The following SLC44A5 variants were observed in gnomAD, a reference collection of about 807,000 sequenced individuals.
SLC44A5 encodes choline transporter-like protein 5.
Under a neutral mutation model 101.8 loss-of-function variants are expected in SLC44A5, and 57 were observed. The observed-to-expected ratio is 0.56, with a 90% CI of 0.45 to 0.70. The LOEUF (loss-of-function observed/expected upper bound fraction) is 0.70, where lower values mean the gene tolerates loss of function less well. Ranked by LOEUF, SLC44A5 falls within the 30% of genes least tolerant of loss-of-function variation. The probability of loss-of-function intolerance (pLI) is 0.00; values close to 1 mark genes in which losing one functional copy is unlikely to be tolerated. For missense variants in SLC44A5, 737 were observed against 853.1 expected (o/e 0.86, Z 1.70); for synonymous variants, 281 against 290.9 (o/e 0.97, Z 0.35).
chr1:75,372,971 A>G (rs955966692), intron 3 of SLC44A5, among the ~76,000 whole-genome samples: 2 of 152,230 alleles, frequency 1.3e-5, no homozygotes, highest in Non-Finnish European at 2.9e-5. Flanking sequence ...AATCAAACTC[A>G]TAGATTTTAC....
In SLC44A5 at chr1:75,326,415, A is replaced by G. The variant is rs1430707430; in HGVS notation, c.101+13167T>C. On this transcript the variant is annotated intron_variant, in intron 4 of 23. Transcript: ENST00000370859. ...TGTCTCTTCTATGACTGAAAGTCCTATTTTGCTCTTCCAATCACAGTTTAG... is the reference window on the plus strand; with the variant it reads ...TGTCTCTTCTATGACTGAAAGTCCTGTTTTGCTCTTCCAATCACAGTTTAG... 2.6e-5 allele frequency among the ~76,000 whole-genome samples: 4 copies of G among 151,954 alleles called. No individual in the cohort carries two copies. The South Asian group carries it at 6.2e-4, about 24-fold the overall frequency.
At chr1:75,436,948 T>G (rs1664926204) in intron 2 of SLC44A5, among the ~76,000 whole-genome samples, 1 of 152,108 alleles carries the variant, frequency 6.6e-6, no homozygotes, top group Admixed American at 6.6e-5. Flanking sequence ...GGATCGTCAG[T>G]ATCACTGTCT....
chr1:75,437,960 A>G (rs1664982994), intron 2 of SLC44A5, among the ~76,000 whole-genome samples: 2 of 152,024 alleles, frequency 1.3e-5, no homozygotes, highest in African/African-American at 4.8e-5. Flanking sequence ...TTAGTACTGT[A>G]TTTGTCCTTT....
chr1:75,513,199 C>T (rs1353986042), intron 2 of SLC44A5, among the ~76,000 whole-genome samples: 1 of 152,158 alleles, frequency 6.6e-6, no homozygotes, highest in Non-Finnish European at 1.5e-5. Context: ...CCAATAGTGG[C>T]TTATACAGAC....
intron 6 of SLC44A5, among the ~76,000 whole-genome samples, chr1:75,260,442 T>A (rs969827129): frequency 3.3e-5 from 5 of 152,108 alleles, no homozygotes; most frequent in Non-Finnish European, 5.9e-5. Flanking sequence ...CATTACATAC[T>A]GGTAAAGGGG....
intron 1 of SLC44A5, among the ~76,000 whole-genome samples, chr1:75,606,575 C>G (rs1280461737): frequency 6.6e-6 from 1 of 152,148 alleles, no homozygotes; most frequent in Admixed American, 6.6e-5. Flanking sequence ...CCCTTTAAAG[C>G]AAAACCCTTC....
the SLC44A5 span, among the ~76,000 whole-genome samples, chr1:75,636,550 G>A: frequency 7.2e-5 from 11 of 152,058 alleles, no homozygotes. Context: ...AGAAGTAAAT[G>A]AAATGGAGTG....
In SLC44A5 at chr1:75,450,237, T is replaced by A. The variant is rs1018015268; in HGVS notation, c.14-53616A>T. Among the ~76,000 whole-genome samples, 27 of 152,242 alleles carry A rather than the reference T, an allele frequency of 1.8e-4. 1 individual carries two copies. Among genetic ancestry groups the A allele is most frequent in the Admixed American group, 1.4e-3 (21 of 15,294 alleles). On this transcript the variant is annotated intron_variant, in intron 2 of 23. Coordinates refer to ENST00000370859, the MANE Select transcript of SLC44A5 (RefSeq NM_001130058.2). ...ACTCATCTTTCCACTGAGGATCTGA[T>A]CAACCAAGGTCAAGGGGGAGCACTG...
upstream of SLC44A5, among the ~76,000 whole-genome samples, chr1:75,613,712 T>G (rs1039768434): frequency 2.6e-5 from 4 of 152,274 alleles, no homozygotes; most frequent in African/African-American, 4.8e-5. Context: ...AGCTTGATTA[T>G]TAATCCTTCC....
the SLC44A5 span, among the ~76,000 whole-genome samples, chr1:75,647,694 T>C: frequency 1.3e-5 from 2 of 152,296 alleles, no homozygotes; most frequent in East Asian, 1.9e-4. Flanking sequence ...GGAGATCATT[T>C]TGGAGCTTTA....
intron 1 of SLC44A5, among the ~76,000 whole-genome samples, chr1:75,579,286 T>C (rs1673545603): frequency 6.6e-6 from 1 of 152,126 alleles, no homozygotes. Flanking sequence ...CACATAAATT[T>C]AAGTCAGTTA....
intron 5 of SLC44A5, among the ~76,000 whole-genome samples, chr1:75,299,996 CACAGTG>C: frequency 1.7e-5 from 2 of 114,396 alleles, no homozygotes; most frequent in Non-Finnish European, 3.3e-5. Context: ...AGCCTGGGAA[CACAGTG>C]AGACTCTGTC....
At chr1:75,705,802 T>A in the SLC44A5 span, among the ~76,000 whole-genome samples, 1 of 152,124 alleles carries the variant, frequency 6.6e-6, no homozygotes, top group African/African-American at 2.4e-5. Context: ...AGCCTCAGCC[T>A]CCCAGGTAGC....
intron 23 of SLC44A5, among the ~76,000 whole-genome samples, chr1:75,207,715 C>T (rs1301972526): frequency 6.6e-6 from 1 of 152,128 alleles, no homozygotes; most frequent in African/African-American, 2.4e-5. Context: ...CCCCTCTTAC[C>T]CAGTTTTGCT....
At chr1:75,486,053 A>C (rs560166960) in intron 2 of SLC44A5, among the ~76,000 whole-genome samples, 29 of 152,228 alleles carry the variant, frequency 1.9e-4, no homozygotes, top group Non-Finnish European at 4.0e-4. Flanking sequence ...AAACCATACC[A>C]GTTTCTATTT....
chr1:75,294,065 A>G (rs1653776559), intron 5 of SLC44A5, among the ~76,000 whole-genome samples: 1 of 152,226 alleles, frequency 6.6e-6, no homozygotes, highest in African/African-American at 2.4e-5. Context: ...TTAAAAAACA[A>G]TAGAACTGGA....
In SLC44A5 at chr1:75,532,783, T is replaced by C. The variant is rs1670793802; in HGVS notation, c.13+8652A>G. 2.0e-5 allele frequency among the ~76,000 whole-genome samples: 3 copies of C among 152,228 alleles called. No homozygotes were observed. The South Asian group carries it at 6.2e-4, about 32-fold the overall frequency. ...GGCTGGGTGTGGTGGCTCATGCCTG[T>C]AATCCCAGCACTTTGGGAGGCCAAG... On this transcript the variant is annotated intron_variant, in intron 2 of 23. Coordinates refer to ENST00000370859, the MANE Select transcript of SLC44A5 (RefSeq NM_001130058.2).
At chr1:75,365,364 C>G (rs1659782702) in intron 3 of SLC44A5, among the ~76,000 whole-genome samples, 1 of 152,114 alleles carries the variant, frequency 6.6e-6, no homozygotes, top group Admixed American at 6.6e-5. Context: ...TTGTTCTCCT[C>G]TATGTGTCTA....
intron 3 of SLC44A5, among the ~76,000 whole-genome samples, chr1:75,368,786 A>G (rs1660033842): frequency 6.6e-6 from 1 of 152,220 alleles, no homozygotes; most frequent in South Asian, 2.1e-4. Context: ...ATACGCAACT[A>G]TGAGAATGTT....
Sources: allele counts gnomAD v4.1 joint callset (sites outside exome capture counted in the v4.1 genomes callset), GRCh38; gene constraint gnomAD v4.1.1; transcripts MANE v1.5; gene names NCBI Gene and HGNC (gene_info 2026-07-23, HGNC 2026-07-21).